The following ADCY6 variants were observed in gnomAD, a reference collection of about 807,000 sequenced individuals.
The protein encoded by ADCY6 is adenylate cyclase 6, also known as adenylate cyclase type 6.
ADCY6 carries 59 observed loss-of-function variants against 111.6 expected under a neutral mutation model. The observed-to-expected ratio is 0.53, with a 90% CI of 0.43 to 0.66. The LOEUF (loss-of-function observed/expected upper bound fraction) is 0.66. Among genes scored for constraint, ADCY6 ranks in the 30% least tolerant of loss-of-function variants. ADCY6 has a pLI of 0.00. For missense variants in ADCY6, 1,242 were observed against 1,595.6 expected (o/e 0.78, Z 3.78); for synonymous variants, 576 against 642.9 (o/e 0.90, Z 1.57).
Position 48,776,037 on chromosome 12 carries a change from C to G in ADCY6, c.1732G>C (p.Glu578Gln), listed in dbSNP as rs1425235320. Residue 578 changes from glutamate (E) to glutamine (Q), a missense_variant, in exon 9 of 22, where the codon GAA (glutamate) becomes CAA (glutamine). Around this residue, in one of 4 missense-constraint regions of ADCY6, gnomAD observed 375 missense variants for 432.5 expected, o/e 0.87. Coordinates refer to ENST00000357869, the MANE Select transcript of ADCY6 (RefSeq NM_015270.5). This position sits in a 1 kb window ranked among gnomAD's most constrained non-coding sequence, Gnocchi z 6.1. ...GGAACCCAGCGCGGCATCAGCCCTT[C>G]CATGGAGTTGGCCCGAGTCCGCTGC... ...KLQRTRANSM[E>Q]GLMPRWVPDR... 2 of 1,613,308 alleles carry G rather than the reference C, an allele frequency of 1.2e-6. No homozygotes were observed. The highest frequency in any genetic ancestry group is 2.7e-5 in the African/African-American group (2 of 74,936).
chr12:48,768,670 A>T lies in ADCY6; in HGVS notation c.3428T>A (p.Leu1143Gln). Residue 1143 changes from leucine to glutamine, a missense_variant, in exon 22 of 22, where the codon CTG becomes CAG. Around this residue, in one of 4 missense-constraint regions of ADCY6, gnomAD observed 245 missense variants for 371.3 expected, o/e 0.66. Coordinates refer to ENST00000357869, the MANE Select transcript of ADCY6 (RefSeq NM_015270.5). ...CACCTTGACCACCCCTCGACACTCCAGCTGGTAGCCCTTGGCAGCTAGAAC... is the reference window on the plus strand; with the variant it reads ...CACCTTGACCACCCCTCGACACTCCTGCTGGTAGCCCTTGGCAGCTAGAAC... ...YQVLAAKGYQ[L>Q]ECRGVVKVKG... 6.2e-7 allele frequency: 1 copy of T among 1,614,128 alleles called. No homozygotes were observed. The highest frequency in any genetic ancestry group is 8.5e-7 in the Non-Finnish European group (1 of 1,180,012).
At chr12:48,788,088 C>G (rs113964166) in intron 1 of ADCY6, among the ~76,000 whole-genome samples, 3,078 of 152,268 alleles carry the variant, frequency 0.02, 95 homozygotes, top group African/African-American at 0.069. Context: ...GCCAGCACCA[C>G]CCACCATACT....
chr12:48,786,058 C>T (rs1941973720), intron 1 of ADCY6, among the ~76,000 whole-genome samples: 1 of 152,192 alleles, frequency 6.6e-6, no homozygotes, highest in Non-Finnish European at 1.5e-5. Flanking sequence ...CAGGGCCACA[C>T]TCCTCTATGC....
Position 48,775,717 on chromosome 12 carries a change from T to C in ADCY6, c.1807-19A>G, listed in dbSNP as rs1217406108. 6.2e-7 allele frequency: 1 copy of C among 1,612,410 alleles called. No homozygotes were observed. The highest frequency in any genetic ancestry group is 8.5e-7 in the Non-Finnish European group (1 of 1,178,976). On this transcript the variant is annotated intron_variant, in intron 9 of 21. Transcript: ENST00000357869. ...CAATGCCCTGGAGAAAGGGACAGAG[T>C]GTGGAGTGAGGTGAAGGGCCAACAA...
chr12:48,779,095 T>C (rs1397557017), intron 2 of ADCY6, among the ~76,000 whole-genome samples: 1 of 152,012 alleles, frequency 6.6e-6, no homozygotes, highest in Non-Finnish European at 1.5e-5. Flanking sequence ...TTGGTCAGGC[T>C]GGTCTTGAAC....
chr12:48,766,481 CTACT>C lies in ADCY6; in HGVS notation c.*2106_*2109del, dbSNP rs1393740395. ...AAGGCTGAGGTCTTCCCACTCTGAT[CTACT>C]TATACCCTCACCCCTACCCCATGGC... On this transcript the variant is annotated 3_prime_UTR_variant, in exon 22 of 22. Coordinates refer to ENST00000357869, the MANE Select transcript of ADCY6 (RefSeq NM_015270.5). 6.5e-6 allele frequency: 1 copy of C among 152,696 alleles called. No individual in the cohort carries two copies. Among genetic ancestry groups the C allele is most frequent in the African/African-American group, 2.4e-5 (1 of 41,456 alleles). The allele number at this position is 152,696 out of a possible 1,614,324, so 9.5% of individuals were successfully genotyped here.
chr12:48,782,901 A>T lies in ADCY6; in HGVS notation c.534T>A (p.Pro178=). 6.2e-7 allele frequency: 1 copy of T among 1,613,758 alleles called. No homozygotes were observed. Among genetic ancestry groups the T allele is most frequent in the Non-Finnish European group, 8.5e-7 (1 of 1,179,938 alleles). The part of the protein sequence containing the change: ...AFHAAPARPQ[P]AYVALLACAA... The stretch of plus-strand genomic sequence containing the variant: ...CACAGGCCAACAGTGCCACATAGGC[A>T]GGCTGAGGGCGGGCGGGTGCGGCGT... The change falls in exon 2 of 22, where the codon CCT becomes CCA. Residue 178 remains proline (P), a synonymous_variant. Transcript: ENST00000357869. The surrounding 1 kb of genome is among the most constrained non-coding windows in gnomAD (Gnocchi z 4.3).
At chr12:48,787,641 A>G (rs1274537035) in intron 1 of ADCY6, among the ~76,000 whole-genome samples, 1 of 152,098 alleles carries the variant, frequency 6.6e-6, no homozygotes, top group African/African-American at 2.4e-5. Context: ...ACCCATCACT[A>G]TGAGCCCTGG....
intron 1 of ADCY6, 181 bp from the exon 2 acceptor site, chr12:48,783,619 G>A (rs1471457511): frequency 7.2e-7 from 1 of 1,397,588 alleles, no homozygotes. Flanking sequence ...CCAATCAACA[G>A]GTGAGAACCC....
At chr12:48,770,543 A>G (rs1941507817) in intron 20 of ADCY6, among the ~76,000 whole-genome samples, 2 of 152,296 alleles carry the variant, frequency 1.3e-5, no homozygotes, top group Admixed American at 6.5e-5. Context: ...TCTCTATCCA[A>G]TGAAAGGCGA....
Position 48,774,678 on chromosome 12 carries a change from T to C in ADCY6, c.2166+13A>G, listed in dbSNP as rs1042501366. On this transcript the variant is annotated intron_variant, in intron 13 of 21. Coordinates refer to ENST00000357869, the MANE Select transcript of ADCY6 (RefSeq NM_015270.5). ...CTGCCCTCCCCAACAGCCTCAGAAA[T>C]CCCCTTACGTACAGAACCACAGGAG... 6.2e-7 allele frequency: 1 copy of C among 1,613,152 alleles called. No homozygotes were observed. The highest frequency in any genetic ancestry group is 8.5e-7 in the Non-Finnish European group (1 of 1,179,430).
intron 13 of ADCY6, 86 bp downstream of exon 13, chr12:48,774,605 G>T: frequency 6.4e-7 from 1 of 1,558,190 alleles, no homozygotes; most frequent in Non-Finnish European, 8.9e-7. Context: ...GAAGAGGCAT[G>T]GCCTTCTCCC....
At chr12:48,786,401 G>T (rs1479904974) in intron 1 of ADCY6, among the ~76,000 whole-genome samples, 1 of 152,086 alleles carries the variant, frequency 6.6e-6, no homozygotes, top group Non-Finnish European at 1.5e-5. Context: ...GTCTCACTCT[G>T]CCCCACCTAG....
Position 48,773,620 on chromosome 12 carries a change from G to T in ADCY6, c.2470C>A (p.Leu824Ile). Residue 824 changes from leucine to isoleucine, a missense_variant, in exon 16 of 22, where the codon CTC becomes ATC. Physicochemically the swap from Leu to Ile is conservative, Grantham distance 5. Around this residue, in one of 4 missense-constraint regions of ADCY6, gnomAD observed 375 missense variants for 432.5 expected, o/e 0.87. Transcript: ENST00000357869. ...EYFIGNMLLSLLASSVFLHIS... is the reference protein window; with the variant it reads ...EYFIGNMLLSILASSVFLHIS... The stretch of plus-strand genomic sequence containing the variant: ...TGCAGGAAGACAGAGCTGGCCAAGA[G>T]ACTCAGCAGCATGTTCCCGATGAAG... 6.2e-7 allele frequency: 1 copy of T among 1,614,126 alleles called. No homozygotes were observed. The highest frequency in any genetic ancestry group is 1.3e-5 in the African/African-American group (1 of 75,030).
At chr12:48,775,158 T>C in intron 11 of ADCY6, 104 bp from the exon 12 acceptor site, 1 of 1,444,622 alleles carries the variant, frequency 6.9e-7, no homozygotes, top group Non-Finnish European at 9.5e-7. Context: ...GAGATGCAGT[T>C]GGCTCAACTG....
In ADCY6 at chr12:48,783,388, T is replaced by TTCCG. The variant is rs770382429; in HGVS notation, c.43_46dup (p.Lys16ThrfsTer7). On this transcript the variant is annotated frameshift_variant, in exon 2 of 22. Coordinates refer to ENST00000357869, the MANE Select transcript of ADCY6 (RefSeq NM_015270.5). LOFTEE classifies it high-confidence loss of function. Reference sequence around the variant, plus strand: ...CCCATTGCGTTCACCCCAGGCTGTTTTCCGTTCATCCACTTTAGGGACCAG... The same window carrying TTCCG: ...CCCATTGCGTTCACCCCAGGCTGTTTTCCGTCCGTTCATCCACTTTAGGGACCAG... The TTCCG allele has an allele frequency of 6.2e-7, 1 of 1,614,224 alleles. No homozygotes were observed. Among genetic ancestry groups the TTCCG allele is most frequent in the Non-Finnish European group, 8.5e-7 (1 of 1,180,028 alleles).
chr12:48,778,757 T>C (rs1253669069), intron 2 of ADCY6, among the ~76,000 whole-genome samples: 2 of 152,166 alleles, frequency 1.3e-5, no homozygotes, highest in East Asian at 3.8e-4. Context: ...TCTCCCTGAC[T>C]TGACATAACT....
intron 11 of ADCY6, 23 bp downstream of exon 11, chr12:48,775,280 C>A: frequency 6.2e-7 from 1 of 1,613,738 alleles, no homozygotes; most frequent in Non-Finnish European, 8.5e-7. Context: ...AGCCCTTGTC[C>A]TTCTGCCCTG....
chr12:48,787,821 C>T (rs952579504), intron 1 of ADCY6, among the ~76,000 whole-genome samples: 1 of 152,184 alleles, frequency 6.6e-6, no homozygotes, highest in Non-Finnish European at 1.5e-5. Context: ...GGCCCAGGCT[C>T]AGTGCCTCCC....
Sources: gnomAD v4.1 joint callset for allele counts (sites outside exome capture counted in the v4.1 genomes callset) on GRCh38, gnomAD v4.1.1 for gene constraint, gnomAD v4.1.1 regional missense constraint, Gnocchi (gnomAD v3.1) non-coding constraint, MANE v1.5 for transcripts, NCBI Gene and HGNC (gene_info 2026-07-23, HGNC 2026-07-21) for gene names.